Variants in GLI2 observed in about 807,000 individuals in gnomAD.
GLI2 encodes the protein transcription activator GLI2.
GLI2 carries 22 observed loss-of-function variants against 78.9 expected under a neutral mutation model. That is an observed-to-expected ratio of 0.28 (90% confidence interval 0.20 to 0.40). GLI2 has a LOEUF of 0.40. Among genes scored for constraint, GLI2 ranks in the 10% least tolerant of loss-of-function variants. The pLI is 1.00. For missense variants in GLI2, 2,097 were observed against 2,213.2 expected, an observed-to-expected ratio of 0.95 and a Z score of 1.05; for synonymous variants, 974 against 963.7, an observed-to-expected ratio of 1.01 and a Z score of -0.20.
rs1003177933 is a variant in GLI2, at chr2:120,815,114, A to G, written c.148+17646A>G. ...CCAGGGATGAGCCTGATCTATAACC[A>G]GTCATTGAAAATACATACAGTGAAA... On this transcript the variant is annotated intron_variant, in intron 2 of 13. Coordinates refer to ENST00000361492, the MANE Select transcript of GLI2 (RefSeq NM_001374353.1). Among the ~76,000 whole-genome samples the G allele has an allele frequency of 1.1e-4, 16 of 152,148 alleles. No individual in the cohort carries two copies. In the South Asian group the frequency reaches 1.7e-3, roughly 16 times the overall value.
At chr2:120,943,637 A>G (rs1052033608) in intron 3 of GLI2, among the ~76,000 whole-genome samples, 3 of 152,314 alleles carry the variant, frequency 2.0e-5, no homozygotes, top group East Asian at 1.9e-4. Flanking sequence ...TTTGGGACTC[A>G]GCAGTGCTGT....
At chr2:120,937,081 T>G (rs1158791213) in intron 3 of GLI2, among the ~76,000 whole-genome samples, 2 of 152,190 alleles carry the variant, frequency 1.3e-5, no homozygotes, top group African/African-American at 4.8e-5. Context: ...AATGTACACT[T>G]GGCCTGTGCT....
rs1262975467 is a variant in GLI2, at chr2:120,751,423, T to C, written c.-31+15138T>C. ...GTACTTTTTACTTAATACTTTTTGA[T>C]AAGCATTTGTCGTAGCCCTGACAAA... On this transcript the variant is annotated intron_variant, in intron 1 of 13. Transcript: ENST00000361492. Among the ~76,000 whole-genome samples, 5 of 152,336 alleles carry C rather than the reference T, an allele frequency of 3.3e-5. No individual in the cohort carries two copies. In the Middle Eastern group the frequency reaches 0.014, roughly 415 times the overall value.
At chr2:120,923,218 G>A (rs187529427) in intron 2 of GLI2, among the ~76,000 whole-genome samples, 6,037 of 130,814 alleles carry the variant, frequency 0.046, 346 homozygotes, top group African/African-American at 0.15. Flanking sequence ...CAGCACACAC[G>A]TACACATATA....
chr2:120,857,880 C>G (rs950881393), intron 2 of GLI2, among the ~76,000 whole-genome samples: 6 of 146,908 alleles, frequency 4.1e-5, no homozygotes, highest in African/African-American at 1.5e-4. Flanking sequence ...CTGCTTGTTT[C>G]TCCTCGTGGC....
chr2:120,845,027 C>T (rs1687047935), intron 2 of GLI2, among the ~76,000 whole-genome samples: 1 of 152,116 alleles, frequency 6.6e-6, no homozygotes, highest in African/African-American at 2.4e-5. Context: ...AATCCCAGCA[C>T]TTTCGGAGGC....
intron 5 of GLI2, among the ~76,000 whole-genome samples, chr2:120,956,918 G>T (rs528467626): frequency 6.6e-5 from 10 of 152,210 alleles, no homozygotes; most frequent in African/African-American, 2.4e-4. Context: ...CTAAGGCCTG[G>T]CTGACATCTC....
intron 1 of GLI2, among the ~76,000 whole-genome samples, chr2:120,773,169 C>T (rs1005656544): frequency 1.6e-4 from 24 of 152,148 alleles, no homozygotes; most frequent in African/African-American, 5.8e-4. Flanking sequence ...GAGTAGACTG[C>T]TCGAAGTGTA....
In GLI2 at chr2:120,936,121, A is replaced by G. The variant is rs527610487; in HGVS notation, c.254+8655A>G. Among the ~76,000 whole-genome samples the G allele has an allele frequency of 9.9e-5, 15 of 152,190 alleles. No individual in the cohort carries two copies. In the East Asian group the frequency reaches 2.7e-3, roughly 27 times the overall value. ...TCCACACCCCCAGTATGTAGACAGA[A>G]CAGGGTTGAGGCCGGGGCTCACATC... On this transcript the variant is annotated intron_variant, in intron 3 of 13. Transcript: ENST00000361492.
At chr2:120,882,195 A>G (rs1181195655) in intron 2 of GLI2, among the ~76,000 whole-genome samples, 4 of 152,006 alleles carry the variant, frequency 2.6e-5, no homozygotes, top group Non-Finnish European at 5.9e-5. Context: ...GGAAGGAGGG[A>G]GTTCCAGGAG....
At chr2:120,823,767 G>C (rs1489858246) in intron 2 of GLI2, among the ~76,000 whole-genome samples, 1 of 152,212 alleles carries the variant, frequency 6.6e-6, no homozygotes, top group East Asian at 1.9e-4. Flanking sequence ...GCCACTCCCT[G>C]GGAGCTTGTG....
intron 2 of GLI2, among the ~76,000 whole-genome samples, chr2:120,905,932 C>A (rs913573926): frequency 6.6e-6 from 1 of 151,422 alleles, no homozygotes; most frequent in Non-Finnish European, 1.5e-5. Flanking sequence ...CAGCTTATCC[C>A]GTCCCCTGCC....
intron 4 of GLI2, among the ~76,000 whole-genome samples, chr2:120,952,435 G>T (rs1186366076): frequency 6.6e-6 from 1 of 152,196 alleles, no homozygotes. Flanking sequence ...ACTGGTGGGT[G>T]TGACCACGAG....
At chr2:120,951,193 G>A in intron 3 of GLI2, 50 bp from the exon 4 acceptor site, 1 of 1,071,092 alleles carries the variant, frequency 9.3e-7, no homozygotes, top group Non-Finnish European at 1.5e-6. Flanking sequence ...GGTCTTGGTG[G>A]GGTTCCCTCT....
chr2:120,844,878 C>T (rs1213861898), intron 2 of GLI2, among the ~76,000 whole-genome samples: 1 of 152,154 alleles, frequency 6.6e-6, no homozygotes, highest in Non-Finnish European at 1.5e-5. Flanking sequence ...CTGTGAGTTG[C>T]TGCATGATTC....
At chr2:120,969,065 TG>T (rs1682010060) in intron 6 of GLI2, 150 bp downstream of exon 6, 1 of 679,038 alleles carries the variant, frequency 1.5e-6, no homozygotes, top group East Asian at 2.7e-5. Flanking sequence ...ACCTTTTTTA[TG>T]AATTCAAAAC....
In GLI2 at chr2:120,918,784, A is replaced by G. The variant is rs187303711; in HGVS notation, c.149-8577A>G. Among the ~76,000 whole-genome samples, 774 of 152,244 alleles carry G rather than the reference A, an allele frequency of 5.1e-3. 18 individuals carry two copies. Among genetic ancestry groups the G allele is most frequent in the Admixed American group, 0.03 (463 of 15,288 alleles). Reference sequence around the variant, plus strand: ...CAGCAGTTGGGTTGATGTCATTCCTATTTTACAGATGATGAAACTGAAGCT... The same window carrying G: ...CAGCAGTTGGGTTGATGTCATTCCTGTTTTACAGATGATGAAACTGAAGCT... On this transcript the variant is annotated intron_variant, in intron 2 of 13. Coordinates refer to ENST00000361492, the MANE Select transcript of GLI2 (RefSeq NM_001374353.1).
intron 2 of GLI2, among the ~76,000 whole-genome samples, chr2:120,924,782 A>T (rs62151975): frequency 0.059 from 9,006 of 152,226 alleles, 383 homozygotes; most frequent in Non-Finnish European, 0.088. Flanking sequence ...CCTGTGCCCC[A>T]CATTAGTAAA....
At chr2:120,963,146 C>T (rs1030533529) in intron 5 of GLI2, among the ~76,000 whole-genome samples, 3 of 152,214 alleles carry the variant, frequency 2.0e-5, no homozygotes, top group African/African-American at 7.2e-5. Flanking sequence ...ACTTGCTGCC[C>T]TTCACTCCAT....
Sources: gnomAD v4.1 joint callset for allele counts (sites outside exome capture counted in the v4.1 genomes callset) on GRCh38, gnomAD v4.1.1 for gene constraint, MANE v1.5 for transcripts, NCBI Gene and HGNC (gene_info 2026-07-23, HGNC 2026-07-21) for gene names.